Variants in TENM3 observed in about 807,000 individuals in gnomAD.
TENM3 encodes the protein teneurin transmembrane protein 3, also known as teneurin-3.
TENM3 carries 63 observed loss-of-function variants against 255.1 expected under a neutral mutation model. That is an observed-to-expected ratio of 0.25 (90% CI 0.20 to 0.30). The LOEUF (loss-of-function observed/expected upper bound fraction) is 0.30. TENM3 is among the 10% of genes least tolerant of loss of function. The pLI, the probability that TENM3 is intolerant of heterozygous loss-of-function variation, is 1.00. For synonymous variants in TENM3, 1,306 were observed against 1,322.3 expected, an observed-to-expected ratio of 0.99 and a Z score of 0.27; for missense variants, 2,929 against 3,461.1, an observed-to-expected ratio of 0.85 and a Z score of 3.86.
intron 1 of TENM3, among the ~76,000 whole-genome samples, chr4:182,200,973 C>T (rs1418882056): frequency 2.6e-5 from 4 of 151,988 alleles, no homozygotes; most frequent in Non-Finnish European, 5.9e-5. Flanking sequence ...AACAGGCATA[C>T]ACCACCACGC....
At chr4:181,759,822 T>C in the TENM3 span, among the ~76,000 whole-genome samples, 1 of 151,252 alleles carries the variant, frequency 6.6e-6, no homozygotes, top group African/African-American at 2.4e-5. Context: ...AATTACATCA[T>C]ACTTACATCA....
At chr4:182,025,486 T>C in the TENM3 span, among the ~76,000 whole-genome samples, 1 of 152,056 alleles carries the variant, frequency 6.6e-6, no homozygotes, top group Non-Finnish European at 1.5e-5. Context: ...AATATGGGAG[T>C]GCAGGTATCT....
intron 12 of TENM3, among the ~76,000 whole-genome samples, chr4:182,694,674 G>C (rs74578571): frequency 0.014 from 2,117 of 152,264 alleles, 53 homozygotes; most frequent in South Asian, 0.11. Flanking sequence ...TGCTTTGTTT[G>C]CTCAGACAAA....
At chr4:181,490,486 A>T in the TENM3 span, among the ~76,000 whole-genome samples, 8 of 152,268 alleles carry the variant, frequency 5.3e-5, no homozygotes, top group African/African-American at 1.7e-4. Flanking sequence ...TTTCTACTCC[A>T]ACAAAATCAG....
intron 1 of TENM3, among the ~76,000 whole-genome samples, chr4:182,200,940 T>A (rs1297055272): frequency 6.6e-6 from 1 of 151,510 alleles, no homozygotes; most frequent in Non-Finnish European, 1.5e-5. Context: ...TTCTCCTGTC[T>A]CAGCCTCCCG....
intron 3 of TENM3, among the ~76,000 whole-genome samples, chr4:182,527,505 AC>A (rs755754353): frequency 6.8e-6 from 1 of 147,674 alleles, no homozygotes; most frequent in Non-Finnish European, 1.5e-5. Flanking sequence ...AAAAAAAAAA[AC>A]CTAATGATGT....
At chr4:182,061,143 G>A in the TENM3 span, among the ~76,000 whole-genome samples, 258 of 152,276 alleles carry the variant, frequency 1.7e-3, no homozygotes, top group Non-Finnish European at 3.0e-3. Flanking sequence ...CAGGGGGCCC[G>A]TTTGAGATGG....
At chr4:182,266,819 T>C (rs1215476450) in intron 1 of TENM3, among the ~76,000 whole-genome samples, 1 of 152,206 alleles carries the variant, frequency 6.6e-6, no homozygotes, top group Non-Finnish European at 1.5e-5. Flanking sequence ...TTAATAATTA[T>C]AATTGTTATG....
intron 3 of TENM3, among the ~76,000 whole-genome samples, chr4:182,507,422 A>C (rs1051370761): frequency 6.6e-6 from 1 of 152,090 alleles, no homozygotes; most frequent in Non-Finnish European, 1.5e-5. Flanking sequence ...AAAATCAGTT[A>C]CTGTGGAGTT....
At chr4:182,723,755 T>C (rs561209393) in intron 13 of TENM3, among the ~76,000 whole-genome samples, 2 of 152,278 alleles carry the variant, frequency 1.3e-5, no homozygotes, top group South Asian at 2.1e-4. Flanking sequence ...GGACCAGGGA[T>C]TGGCAAACAG....
the TENM3 span, among the ~76,000 whole-genome samples, chr4:181,495,626 C>T: frequency 4.0e-5 from 6 of 151,734 alleles, no homozygotes; most frequent in Admixed American, 1.3e-4. Flanking sequence ...TGGTGTATGA[C>T]GACGACACTT....
At chr4:181,710,509 A>C in the TENM3 span, among the ~76,000 whole-genome samples, 1 of 152,002 alleles carries the variant, frequency 6.6e-6, no homozygotes, top group Non-Finnish European at 1.5e-5. Flanking sequence ...CAAGGTCAAG[A>C]GATCAAGACC....
At chr4:181,665,825 AAAG>A in the TENM3 span, among the ~76,000 whole-genome samples, 2 of 152,112 alleles carry the variant, frequency 1.3e-5, no homozygotes, top group African/African-American at 4.8e-5. Flanking sequence ...TCAAGAAAGA[AAAG>A]AAGTGAAAAT....
At chr4:182,539,972 C>T (rs572566463) in intron 3 of TENM3, among the ~76,000 whole-genome samples, 29 of 152,314 alleles carry the variant, frequency 1.9e-4, no homozygotes, top group Non-Finnish European at 3.7e-4. Context: ...GCTGTATCCC[C>T]AGCGTCTGGA....
At chr4:181,725,885 T>A in the TENM3 span, among the ~76,000 whole-genome samples, 1 of 152,190 alleles carries the variant, frequency 6.6e-6, no homozygotes, top group Non-Finnish European at 1.5e-5. Context: ...GATAGTATTT[T>A]AGTAACGACA....
the TENM3 span, among the ~76,000 whole-genome samples, chr4:181,605,376 G>A: frequency 1.3e-5 from 2 of 150,306 alleles, no homozygotes. Flanking sequence ...CCTGGAAGGC[G>A]GAGGTTGCAG....
chr4:182,724,732 C>T (rs758221575), intron 13 of TENM3, among the ~76,000 whole-genome samples: 12 of 152,074 alleles, frequency 7.9e-5, no homozygotes, highest in Non-Finnish European at 1.6e-4. Context: ...AGCATTATGG[C>T]GGGGGAGAAG....
intron 3 of TENM3, among the ~76,000 whole-genome samples, chr4:182,395,213 C>T (rs769827671): frequency 3.3e-5 from 5 of 152,118 alleles, no homozygotes; most frequent in African/African-American, 4.8e-5. Flanking sequence ...AATGGATATA[C>T]TAAGCATTTT....
the TENM3 span, among the ~76,000 whole-genome samples, chr4:182,031,258 G>T: frequency 1.3e-5 from 2 of 151,988 alleles, 1 homozygote; most frequent in South Asian, 4.1e-4. Flanking sequence ...GTCCAGTATT[G>T]ATTTTCTGCA....
Sources: allele counts gnomAD v4.1 joint callset (sites outside exome capture counted in the v4.1 genomes callset), GRCh38; gene constraint gnomAD v4.1.1; transcripts MANE v1.5; gene names NCBI Gene and HGNC (gene_info 2026-07-23, HGNC 2026-07-21).